The following DLGAP4 variants were observed in gnomAD, a reference collection of about 807,000 sequenced individuals.
DLGAP4 encodes disks large-associated protein 4.
In DLGAP4, 18 loss-of-function variants were observed where a neutral mutation model predicts 86.9. The ratio of observed to expected loss-of-function variants is 0.21; its 90% CI spans 0.14 to 0.31. The LOEUF is 0.31. DLGAP4 is among the 10% of genes least tolerant of loss of function. The pLI is 1.00. For synonymous variants in DLGAP4, 548 were observed against 574.3 expected (o/e 0.95, Z 0.65); for missense variants, 1,085 against 1,362.6 (o/e 0.80, Z 3.21).
At chr20:36,312,066 C>T (rs1240938529) in intron 1 of DLGAP4, among the ~76,000 whole-genome samples, 4 of 152,128 alleles carry the variant, frequency 2.6e-5, no homozygotes, top group African/African-American at 9.7e-5. Context: ...TCAGTGGCCA[C>T]ACCTCCCCCA....
intron 3 of DLGAP4, among the ~76,000 whole-genome samples, chr20:36,433,745 G>T (rs1374545841): frequency 6.6e-6 from 1 of 151,872 alleles, no homozygotes; most frequent in Non-Finnish European, 1.5e-5. Flanking sequence ...TCCGCCCCCC[G>T]GGTTCAAGCA....
At chr20:36,362,913 ATAAC>A (rs1342537221) in intron 1 of DLGAP4, among the ~76,000 whole-genome samples, 2 of 152,208 alleles carry the variant, frequency 1.3e-5, no homozygotes, top group Non-Finnish European at 2.9e-5. Flanking sequence ...AGAAGGCTCT[ATAAC>A]TACCCCCATC....
intron 12 of DLGAP4, chr20:36,526,215 T>A: frequency 1.5e-6 from 1 of 675,170 alleles, no homozygotes; most frequent in South Asian, 1.7e-5. Flanking sequence ...CTGAAGCATG[T>A]GTCCTGCCCT....
intron 7 of DLGAP4, among the ~76,000 whole-genome samples, chr20:36,467,013 CTCTCCT>C (rs2034408264): frequency 6.3e-5 from 8 of 126,068 alleles, no homozygotes; most frequent in East Asian, 2.2e-4. Context: ...CTCTCTCTCT[CTCTCCT>C]CTCTCTCTCT....
chr20:36,375,377 G>T (rs1016230533), intron 2 of DLGAP4, among the ~76,000 whole-genome samples: 1 of 152,230 alleles, frequency 6.6e-6, no homozygotes, highest in African/African-American at 2.4e-5. Flanking sequence ...ACTTGCACGA[G>T]CTGTGTTTTA....
intron 2 of DLGAP4, among the ~76,000 whole-genome samples, chr20:36,401,687 A>G (rs1046365041): frequency 6.6e-6 from 1 of 152,194 alleles, no homozygotes; most frequent in Non-Finnish European, 1.5e-5. Context: ...CAGAGCTCAC[A>G]ATCTGGGAAG....
At position 36,321,405 on chromosome 20, in the gene DLGAP4, G is replaced by T. The variant is rs149262445; in HGVS notation, c.-304+14893G>T. Among the ~76,000 whole-genome samples the T allele has an allele frequency of 5.6e-3, 847 of 152,362 alleles. 11 individuals are homozygous for T. The highest frequency in any genetic ancestry group is 0.02 in the African/African-American group (816 of 41,584). The stretch of plus-strand genomic sequence containing the variant: ...CCATGGGCCCTGGAGGGCTGCGGGG[G>T]AGTTTCCAGCAAGGCAGTGGCCAGG... On this transcript the variant is annotated intron_variant, in intron 1 of 12. Transcript: ENST00000339266.
At chr20:36,354,276 C>A (rs573507293) in intron 1 of DLGAP4, among the ~76,000 whole-genome samples, 1 of 152,290 alleles carries the variant, frequency 6.6e-6, no homozygotes, top group East Asian at 1.9e-4. Context: ...GAGCTGTTAT[C>A]ACCCCACTGC....
chr20:36,389,034 T>C (rs539459349), intron 2 of DLGAP4, among the ~76,000 whole-genome samples: 166 of 152,218 alleles, frequency 1.1e-3, no homozygotes, highest in African/African-American at 3.9e-3. Flanking sequence ...ATTGTGAGGG[T>C]GGCGCTCCCA....
intron 7 of DLGAP4, among the ~76,000 whole-genome samples, chr20:36,482,152 C>T (rs559121352): frequency 1.3e-5 from 2 of 152,310 alleles, no homozygotes; most frequent in African/African-American, 4.8e-5. Flanking sequence ...TTGGCTCCTA[C>T]TCCTGTCACC....
chr20:36,358,916 A>G (rs1328394092), intron 1 of DLGAP4, among the ~76,000 whole-genome samples: 1 of 152,220 alleles, frequency 6.6e-6, no homozygotes, highest in Non-Finnish European at 1.5e-5. Context: ...CAAATTGACA[A>G]AATGTTTTGT....
intron 10 of DLGAP4, among the ~76,000 whole-genome samples, chr20:36,518,668 A>G (rs2037186085): frequency 1.3e-5 from 2 of 152,112 alleles, no homozygotes; most frequent in Non-Finnish European, 2.9e-5. Context: ...TTTCTAACCT[A>G]TTTATATTAA....
At chr20:36,441,796 T>A (rs1233159173) in intron 5 of DLGAP4, among the ~76,000 whole-genome samples, 2 of 152,138 alleles carry the variant, frequency 1.3e-5, no homozygotes, top group African/African-American at 4.8e-5. Flanking sequence ...CCAGCGTGTC[T>A]CCATCTCCAT....
At chr20:36,458,998 G>A (rs2033954317) in intron 7 of DLGAP4, among the ~76,000 whole-genome samples, 1 of 152,214 alleles carries the variant, frequency 6.6e-6, no homozygotes, top group African/African-American at 2.4e-5. Flanking sequence ...TCCTCTAACT[G>A]CCAGTTCTGG....
At chr20:36,474,180 C>A (rs1027588319) in intron 7 of DLGAP4, among the ~76,000 whole-genome samples, 3 of 152,232 alleles carry the variant, frequency 2.0e-5, no homozygotes, top group Non-Finnish European at 4.4e-5. Context: ...TAGCCAAAAA[C>A]TGTCCATGTC....
chr20:36,375,386 T>C (rs1195409437), intron 2 of DLGAP4, among the ~76,000 whole-genome samples: 1 of 152,256 alleles, frequency 6.6e-6, no homozygotes, highest in Non-Finnish European at 1.5e-5. Flanking sequence ...AGCTGTGTTT[T>C]ATGGGTCATC....
At chr20:36,478,450 G>A (rs557820755) in intron 7 of DLGAP4, among the ~76,000 whole-genome samples, 6 of 152,320 alleles carry the variant, frequency 3.9e-5, no homozygotes, top group Admixed American at 2.0e-4. Context: ...AGGACAGTTC[G>A]AAGCCTTCGG....
intron 6 of DLGAP4, 70 bp downstream of exon 6, chr20:36,442,847 G>A (rs1334489259): frequency 6.2e-7 from 1 of 1,602,944 alleles, no homozygotes; most frequent in Non-Finnish European, 8.5e-7. Flanking sequence ...CCTGCCCTCT[G>A]AGTGGTCCCA....
In DLGAP4 at chr20:36,526,938, G is replaced by A. The variant is rs764530553; in HGVS notation, c.2886G>A (p.Ala962=). 8.1e-5 allele frequency: 131 copies of A among 1,613,546 alleles called. No individual in the cohort carries two copies. The highest frequency in any genetic ancestry group is 1.1e-4 in the African/African-American group (8 of 74,816). ...AGGAGGCCCGCAAGAGACTCCTGGC[G>A]GCCAAGCGGGCAGCTTCTGTGCGGC... The part of the protein sequence containing the change: ...QRQEARKRLL[A]AKRAASVRQN... Residue 962 remains alanine (A), a synonymous_variant, in exon 13 of 13, where the codon GCG becomes GCA. Transcript: ENST00000339266.
Sources: gnomAD v4.1 joint callset for allele counts (sites outside exome capture counted in the v4.1 genomes callset) on GRCh38, gnomAD v4.1.1 for gene constraint, MANE v1.5 for transcripts, NCBI Gene and HGNC (gene_info 2026-07-23, HGNC 2026-07-21) for gene names.